Variants in LY75 observed in about 807,000 individuals in gnomAD.
The protein encoded by LY75 is lymphocyte antigen 75.
A neutral mutation model predicts 231.7 loss-of-function variants in LY75; 185 were observed. The ratio of observed to expected loss-of-function variants is 0.80; its 90% CI spans 0.71 to 0.90. The LOEUF (loss-of-function observed/expected upper bound fraction) is 0.90. LY75 is among the 40% of genes least tolerant of loss of function. The pLI, the probability that LY75 is intolerant of heterozygous loss-of-function variation, is 0.00. For missense variants in LY75, 1,947 were observed against 2,050.2 expected, an observed-to-expected ratio of 0.95 and a Z score of 0.97; for synonymous variants, 668 against 689.0, an observed-to-expected ratio of 0.97 and a Z score of 0.48.
chr2:159,809,508 T>C (rs1218512635), intron 32 of LY75, among the ~76,000 whole-genome samples: 1 of 152,208 alleles, frequency 6.6e-6, no homozygotes, highest in East Asian at 1.9e-4. Context: ...AATTTTTATT[T>C]ACTACTTAGC....
In LY75 at chr2:159,898,966, TCA is replaced by T. The variant is rs1685986786; in HGVS notation, c.186_187del (p.Glu63GlyfsTer31). On this transcript the variant is annotated frameshift_variant, in exon 2 of 35. Transcript: ENST00000263636. LOFTEE classifies it high-confidence loss of function. ...GGACACCCACTTCCATAACTTGTCC[TCA>T]GTTTCATCACAGTCGTCTGCTACTA... The T allele has an allele frequency of 6.2e-7, 1 of 1,614,110 alleles. No individual in the cohort carries two copies. Among genetic ancestry groups the T allele is most frequent in the Non-Finnish European group, 8.5e-7 (1 of 1,180,030 alleles).
intron 23 of LY75, among the ~76,000 whole-genome samples, chr2:159,845,231 T>G (rs1684166088): frequency 6.6e-6 from 1 of 152,124 alleles, no homozygotes; most frequent in South Asian, 2.1e-4. Flanking sequence ...GTAGTCAAAT[T>G]CTCATCAAGA....
At chr2:159,812,606 T>C (rs1419771916) in intron 31 of LY75, among the ~76,000 whole-genome samples, 1 of 151,906 alleles carries the variant, frequency 6.6e-6, no homozygotes, top group African/African-American at 2.4e-5. Flanking sequence ...AGAGACGGAG[T>C]CTTACTGTGT....
intron 28 of LY75, among the ~76,000 whole-genome samples, chr2:159,820,382 G>A (rs553189989): frequency 1.3e-4 from 20 of 152,298 alleles, no homozygotes; most frequent in Non-Finnish European, 2.2e-4. Flanking sequence ...AATGGCATTC[G>A]CAGCAACCTG....
intron 1 of LY75, among the ~76,000 whole-genome samples, chr2:159,900,476 T>C (rs777747489): frequency 7.9e-5 from 12 of 152,240 alleles, no homozygotes; most frequent in Non-Finnish European, 1.6e-4. Context: ...CAGAAAGACC[T>C]GTAAAATTTT....
intron 1 of LY75, among the ~76,000 whole-genome samples, chr2:159,904,310 C>T (rs767176783): frequency 2.3e-4 from 35 of 152,220 alleles, no homozygotes; most frequent in Admixed American, 7.2e-4. Flanking sequence ...AAAAAGCCTC[C>T]GTGCGCCTAC....
intron 14 of LY75, among the ~76,000 whole-genome samples, chr2:159,863,735 A>T (rs903421658): frequency 2.0e-5 from 3 of 152,142 alleles, no homozygotes; most frequent in Non-Finnish European, 4.4e-5. Flanking sequence ...GCCTACATGT[A>T]TGTTCCTGCC....
In LY75 at chr2:159,831,795, TA is replaced by T; in HGVS notation, c.3842-10del. ...AATATGTGATTTTGGATCTGTTGAA[TA>T]AAAAATAATCAATAATTTTAACAAT... On this transcript the variant is annotated splice_polypyrimidine_tract_variant and intron_variant, in intron 27 of 34. Transcript: ENST00000263636. The T allele has an allele frequency of 6.3e-7, 1 of 1,587,854 alleles. No homozygotes were observed. The highest frequency in any genetic ancestry group is 2.2e-5 in the East Asian group (1 of 44,490).
At chr2:159,872,112 T>C (rs1377200841) in intron 13 of LY75, 2 of 181,214 alleles carry the variant, frequency 1.1e-5, no homozygotes, top group Non-Finnish European at 2.3e-5. Flanking sequence ...CAGCCTTCTT[T>C]ATGACATTTT....
chr2:159,820,038 G>C, intron 28 of LY75, 118 bp from the exon 29 acceptor site: 1 of 911,520 alleles, frequency 1.1e-6, no homozygotes, highest in East Asian at 2.8e-5. Context: ...CTAAAAGGTT[G>C]TATGATTATG....
chr2:159,813,332 G>GTTT (rs200109491), intron 31 of LY75, among the ~76,000 whole-genome samples: 3 of 141,338 alleles, frequency 2.1e-5, no homozygotes, highest in Admixed American at 7.0e-5. Flanking sequence ...TCTCTGTTTT[G>GTTT]TTTTTTTTTT....
intron 29 of LY75, 114 bp from the exon 30 acceptor site, chr2:159,817,146 T>A (rs983142846): frequency 1.2e-5 from 14 of 1,120,326 alleles, no homozygotes; most frequent in Admixed American, 9.4e-5. Flanking sequence ...TTCTTATTAA[T>A]AAGGGAGGTC....
At chr2:159,806,345 C>T (rs570860551) in intron 34 of LY75, among the ~76,000 whole-genome samples, 1 of 152,180 alleles carries the variant, frequency 6.6e-6, no homozygotes, top group South Asian at 2.1e-4. Context: ...ATACTGATTA[C>T]CTAGAATTGA....
chr2:159,881,854 C>T (rs1049444137), intron 7 of LY75, among the ~76,000 whole-genome samples: 11 of 152,140 alleles, frequency 7.2e-5, no homozygotes, highest in African/African-American at 2.2e-4. Context: ...TAGGCACATG[C>T]GGCCACTTAA....
rs1683753346 is a variant in LY75, at chr2:159,834,229, G to A, written c.3674-18C>T. 2 of 1,611,718 alleles carry A rather than the reference G, an allele frequency of 1.2e-6. No homozygotes were observed. The highest frequency in any genetic ancestry group is 2.2e-5 in the South Asian group (2 of 90,552). ...AGTCTCATCTAGAAAAAGAGTTAAT[G>A]GTAAGAATTCTAATTTGAGATATAA... On this transcript the variant is annotated intron_variant, in intron 26 of 34. Coordinates refer to ENST00000263636, the MANE Select transcript of LY75 (RefSeq NM_002349.4).
intron 31 of LY75, 93 bp from the exon 32 acceptor site, chr2:159,810,768 G>A (rs1352740574): frequency 2.5e-5 from 38 of 1,540,294 alleles, no homozygotes; most frequent in African/African-American, 5.5e-5. Context: ...GAACTGTTGC[G>A]TTTGTGGTTG....
chr2:159,884,825 TGGTCTGGG>T (rs1229819265), intron 6 of LY75, among the ~76,000 whole-genome samples: 3 of 152,214 alleles, frequency 2.0e-5, no homozygotes, highest in Non-Finnish European at 2.9e-5. Context: ...CTGATGCTGT[TGGTCTGGG>T]GACCACCCCT....
intron 11 of LY75, 96 bp downstream of exon 11, chr2:159,878,228 C>T (rs1574585002): frequency 6.7e-7 from 1 of 1,482,508 alleles, no homozygotes; most frequent in Non-Finnish European, 9.1e-7. Flanking sequence ...TCATCATGTC[C>T]CTCACATTTC....
chr2:159,904,708 C>G lies in LY75; in HGVS notation c.-26G>C. 3 of 1,398,692 alleles carry G rather than the reference C, an allele frequency of 2.1e-6. No individual in the cohort carries two copies. The highest frequency in any genetic ancestry group is 2.8e-6 in the Non-Finnish European group (3 of 1,084,052). 86.6% of individuals were successfully genotyped at this position (1,398,692 alleles called of 1,614,324 possible). A position where few individuals can be genotyped will look rare whatever the true frequency, so the allele number is the denominator to read the frequency against. On this transcript the variant is annotated 5_prime_UTR_variant, in exon 1 of 35. Coordinates refer to ENST00000263636, the MANE Select transcript of LY75 (RefSeq NM_002349.4). Reference sequence around the variant, plus strand: ...CCTGAGCTGGCGCAAGCCTTCCGGCCGGGTCCTCGGGCGCACGCGGCTCCC... The same window carrying G: ...CCTGAGCTGGCGCAAGCCTTCCGGCGGGGTCCTCGGGCGCACGCGGCTCCC...
Sources: gnomAD v4.1 joint callset for allele counts (sites outside exome capture counted in the v4.1 genomes callset) on GRCh38, gnomAD v4.1.1 for gene constraint, MANE v1.5 for transcripts, NCBI Gene and HGNC (gene_info 2026-07-23, HGNC 2026-07-21) for gene names.